The following CSMD1 variants were observed in gnomAD, a reference collection of about 807,000 sequenced individuals.
CSMD1 encodes the protein CUB and sushi domain-containing protein 1.
A neutral mutation model predicts 417.5 loss-of-function variants in CSMD1; 213 were observed. The ratio of observed to expected loss-of-function variants is 0.51; its 90% CI spans 0.46 to 0.57. The LOEUF (loss-of-function observed/expected upper bound fraction) is 0.57. Ranked by LOEUF, CSMD1 falls within the 20% of genes least tolerant of loss-of-function variation. The pLI, the probability that CSMD1 is intolerant of heterozygous loss-of-function variation, is 0.00. For synonymous variants in CSMD1, 2,862 were observed against 1,736.8 expected, an observed-to-expected ratio of 1.65 and a Z score of -16.11; for missense variants, 6,923 against 4,529.7, an observed-to-expected ratio of 1.53 and a Z score of -15.17.
intron 5 of CSMD1, among the ~76,000 whole-genome samples, chr8:3,883,590 TA>T (rs1806355848): frequency 6.6e-6 from 1 of 152,176 alleles, no homozygotes; most frequent in Non-Finnish European, 1.5e-5. Context: ...TTGCAAAAAT[TA>T]GTGTTATTAT....
intron 23 of CSMD1, among the ~76,000 whole-genome samples, chr8:3,312,286 G>A (rs1910378): frequency 0.033 from 5,018 of 152,222 alleles, 92 homozygotes; most frequent in African/African-American, 0.049. Flanking sequence ...TTATGGCAGC[G>A]TAGTTTTCTC....
intron 2 of CSMD1, among the ~76,000 whole-genome samples, chr8:4,441,305 G>C (rs1196074351): frequency 7.0e-6 from 1 of 143,752 alleles, no homozygotes; most frequent in Non-Finnish European, 1.5e-5. Flanking sequence ...AGAGAGGGAG[G>C]TCTCACTCTG....
chr8:4,153,990 C>G (rs1322976327), intron 3 of CSMD1, among the ~76,000 whole-genome samples: 1 of 152,128 alleles, frequency 6.6e-6, no homozygotes, highest in East Asian at 1.9e-4. Context: ...AGGCAGAATC[C>G]AATGATAGCT....
intron 3 of CSMD1, among the ~76,000 whole-genome samples, chr8:4,135,949 T>G (rs184889719): frequency 6.6e-6 from 1 of 152,180 alleles, no homozygotes; most frequent in Non-Finnish European, 1.5e-5. Context: ...TTCTAAACTA[T>G]TGGTGTTAAG....
At chr8:3,342,325 T>C (rs1807711455) in intron 23 of CSMD1, among the ~76,000 whole-genome samples, 3 of 152,188 alleles carry the variant, frequency 2.0e-5, no homozygotes, top group African/African-American at 7.2e-5. Flanking sequence ...AGGACCTTTT[T>C]TGCCTATCCA....
intron 25 of CSMD1, among the ~76,000 whole-genome samples, chr8:3,300,510 C>T (rs558065495): frequency 1.1e-4 from 16 of 152,206 alleles, no homozygotes; most frequent in African/African-American, 3.6e-4. Flanking sequence ...ACTGACTCTG[C>T]TTTATAGAAA....
At chr8:3,440,746 T>G (rs1814922006) in intron 12 of CSMD1, among the ~76,000 whole-genome samples, 5 of 152,218 alleles carry the variant, frequency 3.3e-5, no homozygotes, top group Admixed American at 3.3e-4. Flanking sequence ...CATCCAGTCT[T>G]TCATCAGTAA....
intron 3 of CSMD1, among the ~76,000 whole-genome samples, chr8:4,110,194 A>C (rs1801777768): frequency 6.6e-6 from 1 of 152,166 alleles, no homozygotes; most frequent in Non-Finnish European, 1.5e-5. Context: ...TAAAGAATAA[A>C]ATTTAAAATC....
chr8:3,037,096 T>C (rs962673559), intron 50 of CSMD1, among the ~76,000 whole-genome samples: 6 of 152,234 alleles, frequency 3.9e-5, no homozygotes, highest in African/African-American at 1.4e-4. Flanking sequence ...ATTCCTGAGT[T>C]ACTTCACTTA....
intron 3 of CSMD1, among the ~76,000 whole-genome samples, chr8:4,415,030 C>T (rs922260016): frequency 6.6e-6 from 1 of 152,174 alleles, no homozygotes; most frequent in Non-Finnish European, 1.5e-5. Flanking sequence ...AGCAAAAATG[C>T]TATCCTTCGT....
chr8:3,101,867 T>TCTCAGCTCACTGCAAC (rs1341048252), intron 46 of CSMD1, among the ~76,000 whole-genome samples: 1 of 149,760 alleles, frequency 6.7e-6, no homozygotes. Flanking sequence ...AGTGACGTGA[T>TCTCAGCTCACTGCAAC]CTCAGCTCAC....
chr8:3,759,650 T>C (rs1797878124), intron 5 of CSMD1, among the ~76,000 whole-genome samples: 1 of 151,212 alleles, frequency 6.6e-6, no homozygotes, highest in African/African-American at 2.4e-5. Flanking sequence ...TTTCAGCAAT[T>C]TGGGAGGCCA....
chr8:3,924,212 C>T (rs1374843541), intron 5 of CSMD1, among the ~76,000 whole-genome samples: 1 of 152,112 alleles, frequency 6.6e-6, no homozygotes, highest in Non-Finnish European at 1.5e-5. Context: ...ATATATCGAT[C>T]CATTTTTTCC....
chr8:3,732,776 C>T (rs182802616), intron 6 of CSMD1, among the ~76,000 whole-genome samples: 2 of 152,208 alleles, frequency 1.3e-5, no homozygotes, highest in Admixed American at 6.5e-5. Context: ...TAAGCTGAAA[C>T]GTCCATCCCA....
intron 2 of CSMD1, among the ~76,000 whole-genome samples, chr8:4,432,516 G>A (rs767343235): frequency 4.6e-5 from 7 of 152,088 alleles, no homozygotes; most frequent in Admixed American, 1.3e-4. Context: ...GTAAATGCTC[G>A]GAGTGTGAAA....
At chr8:4,505,815 T>G (rs1168354140) in intron 2 of CSMD1, among the ~76,000 whole-genome samples, 1 of 152,046 alleles carries the variant, frequency 6.6e-6, no homozygotes, top group Admixed American at 6.6e-5. Flanking sequence ...TATTTTTTTT[T>G]TTTTAGATAG....
At chr8:3,241,960 G>C (rs1289416559) in intron 26 of CSMD1, among the ~76,000 whole-genome samples, 1 of 139,014 alleles carries the variant, frequency 7.2e-6, no homozygotes, top group Non-Finnish European at 1.6e-5. Flanking sequence ...TGTATATTGA[G>C]AATAAGACGG....
At chr8:3,239,480 T>C (rs1799358555) in intron 26 of CSMD1, among the ~76,000 whole-genome samples, 1 of 152,172 alleles carries the variant, frequency 6.6e-6, no homozygotes, top group South Asian at 2.1e-4. Flanking sequence ...CAAGAGGTAT[T>C]TTAGTTTGCT....
intron 54 of CSMD1, among the ~76,000 whole-genome samples, chr8:2,984,911 G>A (rs964473754): frequency 2.0e-5 from 3 of 152,146 alleles, no homozygotes; most frequent in Admixed American, 6.5e-5. Context: ...ACATCACCTG[G>A]ACAAGAGGTT....
Sources: gnomAD v4.1 joint callset for allele counts (sites outside exome capture counted in the v4.1 genomes callset) on GRCh38, gnomAD v4.1.1 for gene constraint, MANE v1.5 for transcripts, NCBI Gene and HGNC (gene_info 2026-07-23, HGNC 2026-07-21) for gene names.